LHFPL3: variants seen among roughly 807,000 people sequenced by gnomAD.
LHFPL3 encodes the protein LHFPL tetraspan subfamily member 3, also known as LHFPL tetraspan subfamily member 3 protein.
LHFPL3 carries 5 observed loss-of-function variants against 19.3 expected under a neutral mutation model. The ratio of observed to expected loss-of-function variants is 0.26; its 90% CI spans 0.14 to 0.54. The LOEUF (loss-of-function observed/expected upper bound fraction) is 0.54, where lower values mean the gene tolerates loss of function less well. LHFPL3 is among the 20% of genes least tolerant of loss of function. The pLI, the probability that LHFPL3 is intolerant of heterozygous loss-of-function variation, is 0.94. For synonymous variants in LHFPL3, 133 were observed against 126.2 expected (o/e 1.05, Z -0.36); for missense variants, 249 against 307.4 (o/e 0.81, Z 1.42).
At chr7:104,535,240 A>G (rs6949801) in intron 1 of LHFPL3, among the ~76,000 whole-genome samples, 1 of 152,004 alleles carries the variant, frequency 6.6e-6, no homozygotes, top group African/African-American at 2.4e-5. Flanking sequence ...GTCTCTGGAA[A>G]AGGATTGCTC....
intron 2 of LHFPL3, among the ~76,000 whole-genome samples, chr7:104,836,509 C>T (rs757833515): frequency 3.9e-5 from 6 of 152,170 alleles, no homozygotes; most frequent in Non-Finnish European, 5.9e-5. Context: ...AAACTCTCAT[C>T]TAAAAAGCCT....
chr7:104,483,709 G>A (rs531047816), intron 1 of LHFPL3, among the ~76,000 whole-genome samples: 5 of 152,082 alleles, frequency 3.3e-5, no homozygotes, highest in Non-Finnish European at 7.4e-5. Context: ...TCAAACTCCT[G>A]GGCTCAAGCA....
At chr7:104,901,734 AT>A (rs1472820061) in intron 2 of LHFPL3, among the ~76,000 whole-genome samples, 1 of 150,988 alleles carries the variant, frequency 6.6e-6, no homozygotes, top group Admixed American at 6.6e-5. Context: ...CACCTGGCTA[AT>A]TTTTTTTTAT....
intron 1 of LHFPL3, among the ~76,000 whole-genome samples, chr7:104,625,987 T>A (rs2115825387): frequency 6.6e-6 from 1 of 152,326 alleles, no homozygotes; most frequent in Admixed American, 6.5e-5. Flanking sequence ...CCAATTTGCC[T>A]GACAGGCCCT....
At chr7:104,711,048 C>G (rs1278058352) in intron 1 of LHFPL3, among the ~76,000 whole-genome samples, 1 of 152,208 alleles carries the variant, frequency 6.6e-6, no homozygotes, top group Non-Finnish European at 1.5e-5. Context: ...TTTGAACACA[C>G]AGGTTGAGTG....
At position 104,840,049 on chromosome 7, in the gene LHFPL3, A is replaced by G. The variant is rs568803841; in HGVS notation, c.683-66138A>G. ...TAAGATTAATTGACAATTATAATCA[A>G]TAATTATTAAGTATAATTATTAATG... On this transcript the variant is annotated intron_variant, in intron 2 of 2. Transcript: ENST00000424859. Among the ~76,000 whole-genome samples, 5 of 152,030 alleles carry G rather than the reference A, an allele frequency of 3.3e-5. No homozygotes were observed. The South Asian group carries it at 1.0e-3, about 32-fold the overall frequency.
intron 2 of LHFPL3, among the ~76,000 whole-genome samples, chr7:104,824,352 A>ATATATT (rs1790760635): frequency 2.7e-5 from 1 of 36,516 alleles, no homozygotes; most frequent in African/African-American, 1.2e-4. Flanking sequence ...AATTATAGAT[A>ATATATT]ATATATAATT....
chr7:104,497,325 A>AAG (rs1584360392), intron 1 of LHFPL3, among the ~76,000 whole-genome samples: 1 of 151,948 alleles, frequency 6.6e-6, no homozygotes, highest in East Asian at 1.9e-4. Flanking sequence ...AAAAAAAAAA[A>AAG]AAGAAGAAGA....
chr7:104,775,072 A>G (rs1342162252), intron 2 of LHFPL3, among the ~76,000 whole-genome samples: 1 of 152,160 alleles, frequency 6.6e-6, no homozygotes, highest in East Asian at 1.9e-4. Context: ...AAATAGGATA[A>G]CCATAATACA....
At chr7:104,374,264 A>G (rs1790667783) in intron 1 of LHFPL3, among the ~76,000 whole-genome samples, 1 of 151,476 alleles carries the variant, frequency 6.6e-6, no homozygotes, top group Admixed American at 6.6e-5. Context: ...TTTTTTTAAG[A>G]CAGAATCTTG....
At chr7:104,616,672 A>G (rs1791348876) in intron 1 of LHFPL3, among the ~76,000 whole-genome samples, 1 of 152,222 alleles carries the variant, frequency 6.6e-6, no homozygotes, top group Non-Finnish European at 1.5e-5. Flanking sequence ...CTGCACAGCA[A>G]AAGAAACTAT....
intron 1 of LHFPL3, among the ~76,000 whole-genome samples, chr7:104,671,340 A>G (rs1792477680): frequency 6.6e-6 from 1 of 152,122 alleles, no homozygotes; most frequent in Non-Finnish European, 1.5e-5. Flanking sequence ...CCAAATAGTT[A>G]TATCCAAAAC....
chr7:104,845,925 T>G (rs1791304576), intron 2 of LHFPL3, among the ~76,000 whole-genome samples: 1 of 152,254 alleles, frequency 6.6e-6, no homozygotes, highest in South Asian at 2.1e-4. Context: ...AACACCATTG[T>G]GCCAAGTAAC....
intron 1 of LHFPL3, among the ~76,000 whole-genome samples, chr7:104,705,262 C>T (rs371701945): frequency 6.6e-6 from 1 of 152,080 alleles, no homozygotes; most frequent in Admixed American, 6.5e-5. Flanking sequence ...TTCCTTTTCT[C>T]TTCCTGGAGC....
intron 1 of LHFPL3, among the ~76,000 whole-genome samples, chr7:104,656,515 G>GC (rs1042689051): frequency 1.2e-4 from 18 of 152,226 alleles, no homozygotes; most frequent in African/African-American, 4.1e-4. Context: ...AGATCTCCCA[G>GC]CAGAGGCTGA....
At chr7:104,564,276 C>T (rs1380895364) in intron 1 of LHFPL3, among the ~76,000 whole-genome samples, 2 of 152,188 alleles carry the variant, frequency 1.3e-5, no homozygotes, top group Non-Finnish European at 2.9e-5. Flanking sequence ...GAGTTAGGGT[C>T]TTAGCTTTGC....
intron 1 of LHFPL3, among the ~76,000 whole-genome samples, chr7:104,597,160 A>G (rs1019741653): frequency 1.3e-5 from 2 of 152,230 alleles, no homozygotes; most frequent in African/African-American, 4.8e-5. Flanking sequence ...GCCTAATAGA[A>G]GTAACATTAT....
intron 1 of LHFPL3, among the ~76,000 whole-genome samples, chr7:104,612,666 G>A (rs544410744): frequency 1.3e-5 from 2 of 152,124 alleles, no homozygotes; most frequent in Admixed American, 6.6e-5. Flanking sequence ...TGAAGACACC[G>A]GTGCTGAAAC....
chr7:104,767,747 T>C (rs1049206499), intron 2 of LHFPL3, among the ~76,000 whole-genome samples: 1 of 152,174 alleles, frequency 6.6e-6, no homozygotes, highest in Non-Finnish European at 1.5e-5. Flanking sequence ...AATCCACGGG[T>C]TGGCTTGAGA....
Sources: gnomAD v4.1 joint callset for allele counts (sites outside exome capture counted in the v4.1 genomes callset) on GRCh38, gnomAD v4.1.1 for gene constraint, MANE v1.5 for transcripts, NCBI Gene and HGNC (gene_info 2026-07-23, HGNC 2026-07-21) for gene names.